SCG5: variants seen among roughly 807,000 people sequenced by gnomAD.
SCG5 encodes the protein secretogranin V.
Under a neutral mutation model 25.7 loss-of-function variants are expected in SCG5, and 18 were observed. The observed-to-expected ratio is 0.70, with a 90% CI of 0.48 to 1.04. The LOEUF is 1.04. Ranked by LOEUF, SCG5 falls within the 50% of genes least tolerant of loss-of-function variation. The pLI is 0.00. For synonymous variants in SCG5, 101 were observed against 91.7 expected (o/e 1.10, Z -0.58); for missense variants, 206 against 259.8 (o/e 0.79, Z 1.42).
rs2140612871 is a variant in SCG5, at chr15:32,692,310, GT to G, written c.543+550del. ...AAAATCTACTAGATCTGTAATATTT[GT>G]TTGCTGTCTGTTGAATTTACTGCAG... On this transcript the variant is annotated intron_variant, in intron 5 of 5. Coordinates refer to ENST00000300175, the MANE Select transcript of SCG5 (RefSeq NM_001144757.3). 3 of 981,814 alleles carry G rather than the reference GT, an allele frequency of 3.1e-6. No individual in the cohort carries two copies. The South Asian group carries it at 1.4e-4, about 46-fold the overall frequency. The allele number at this position is 981,814 out of a possible 1,614,324, so 60.8% of individuals were successfully genotyped here.
intron 5 of SCG5, among the ~76,000 whole-genome samples, chr15:32,695,556 C>T (rs943669083): frequency 2.0e-5 from 3 of 152,020 alleles, no homozygotes; most frequent in Non-Finnish European, 4.4e-5. Context: ...GAGTCAAAAA[C>T]AAAGGACCCT....
chr15:32,659,127 GA>G (rs1029370857), intron 2 of SCG5, among the ~76,000 whole-genome samples: 3 of 152,070 alleles, frequency 2.0e-5, no homozygotes, highest in African/African-American at 7.2e-5. Context: ...AGTGAGCCGA[GA>G]TGGCGCCACT....
chr15:32,679,623 C>A (rs2054581539), intron 2 of SCG5, 143 bp from the exon 3 acceptor site: 2 of 856,514 alleles, frequency 2.3e-6, no homozygotes, highest in Non-Finnish European at 3.7e-6. Flanking sequence ...TTTCTAAACC[C>A]CTAGAGGGCA....
intron 3 of SCG5, among the ~76,000 whole-genome samples, chr15:32,682,097 T>C (rs1182075255): frequency 6.6e-6 from 1 of 152,108 alleles, no homozygotes; most frequent in East Asian, 1.9e-4. Context: ...GTTAAGTCCA[T>C]TGGATGTGGT....
At chr15:32,682,127 A>G (rs2054630676) in intron 3 of SCG5, among the ~76,000 whole-genome samples, 1 of 152,194 alleles carries the variant, frequency 6.6e-6, no homozygotes, top group Non-Finnish European at 1.5e-5. Flanking sequence ...TGGTTCTTAA[A>G]GTGTGATTCC....
intron 2 of SCG5, among the ~76,000 whole-genome samples, chr15:32,675,860 C>G (rs570891245): frequency 2.7e-4 from 41 of 152,180 alleles, no homozygotes; most frequent in African/African-American, 9.9e-4. Flanking sequence ...AGTACCTAGC[C>G]CAGGTTTTGA....
chr15:32,696,465 G>A lies in SCG5; in HGVS notation c.544-49G>A, dbSNP rs776954168. 5 of 1,306,480 alleles carry A rather than the reference G, an allele frequency of 3.8e-6. No individual in the cohort carries two copies. In the African/African-American group the frequency reaches 4.4e-5, roughly 11 times the overall value. The allele number at this position is 1,306,480 out of a possible 1,614,324, so 80.9% of individuals were successfully genotyped here. A position where few individuals can be genotyped will look rare whatever the true frequency, so the allele number is the denominator to read the frequency against. ...CTTTTCTGAGATGTCTGTATCTGATGTTCACATATAACACCAAACCACATG... is the reference window on the plus strand; with the variant it reads ...CTTTTCTGAGATGTCTGTATCTGATATTCACATATAACACCAAACCACATG... On this transcript the variant is annotated intron_variant, in intron 5 of 5. Coordinates refer to ENST00000300175, the MANE Select transcript of SCG5 (RefSeq NM_001144757.3).
At chr15:32,671,931 C>A (rs1485496694) in intron 2 of SCG5, among the ~76,000 whole-genome samples, 1 of 152,208 alleles carries the variant, frequency 6.6e-6, no homozygotes, top group Middle Eastern at 3.2e-3. Context: ...CACCTTCTCT[C>A]CTGGTCTCCT....
At chr15:32,654,186 C>T (rs1049068313) in intron 2 of SCG5, among the ~76,000 whole-genome samples, 2 of 152,178 alleles carry the variant, frequency 1.3e-5, no homozygotes, top group Non-Finnish European at 2.9e-5. Flanking sequence ...AACAAAAATT[C>T]CACAGACTAG....
intron 2 of SCG5, among the ~76,000 whole-genome samples, chr15:32,661,879 C>T (rs963366735): frequency 6.6e-6 from 1 of 152,134 alleles, no homozygotes; most frequent in Non-Finnish European, 1.5e-5. Flanking sequence ...ATCGTACCAC[C>T]TAGAGATACC....
At chr15:32,643,058 G>T (rs568066677) in intron 1 of SCG5, among the ~76,000 whole-genome samples, 2 of 152,116 alleles carry the variant, frequency 1.3e-5, no homozygotes, top group Admixed American at 1.3e-4. Flanking sequence ...TTTCAGGATC[G>T]CAAACGTATT....
At chr15:32,688,369 C>T (rs1190300708) in intron 4 of SCG5, among the ~76,000 whole-genome samples, 1 of 152,122 alleles carries the variant, frequency 6.6e-6, no homozygotes, top group Non-Finnish European at 1.5e-5. Context: ...CAAATGCTTT[C>T]ACACCTTTTC....
At chr15:32,672,300 G>T (rs2054441451) in intron 2 of SCG5, among the ~76,000 whole-genome samples, 1 of 152,244 alleles carries the variant, frequency 6.6e-6, no homozygotes, top group Non-Finnish European at 1.5e-5. Flanking sequence ...ATTGCCCAGC[G>T]CCAGTGCCCA....
chr15:32,670,446 A>G (rs2054400229), intron 2 of SCG5, among the ~76,000 whole-genome samples: 2 of 152,240 alleles, frequency 1.3e-5, no homozygotes, highest in Admixed American at 1.3e-4. Context: ...GTTTTTCTCA[A>G]TTACCAAATG....
intron 2 of SCG5, among the ~76,000 whole-genome samples, chr15:32,646,661 A>C (rs556728907): frequency 6.6e-6 from 1 of 152,318 alleles, no homozygotes; most frequent in Non-Finnish European, 1.5e-5. Flanking sequence ...CTAACAAAGA[A>C]AATAGTCCAA....
At chr15:32,653,662 A>G (rs1209019652) in intron 2 of SCG5, among the ~76,000 whole-genome samples, 1 of 152,248 alleles carries the variant, frequency 6.6e-6, no homozygotes, top group Non-Finnish European at 1.5e-5. Flanking sequence ...GTCTGAAGAC[A>G]GTCCAGAGGC....
chr15:32,656,536 T>G (rs1343682546), intron 2 of SCG5, among the ~76,000 whole-genome samples: 1 of 152,250 alleles, frequency 6.6e-6, no homozygotes, highest in African/African-American at 2.4e-5. Flanking sequence ...AAATGTCCTG[T>G]TGGCAGGACA....
At chr15:32,695,152 A>AC (rs1441867782) in intron 5 of SCG5, among the ~76,000 whole-genome samples, 1 of 151,976 alleles carries the variant, frequency 6.6e-6, no homozygotes, top group Non-Finnish European at 1.5e-5. Flanking sequence ...AGTAGCTGGG[A>AC]CTACAGGGGC....
chr15:32,655,387 G>A (rs1262964338), intron 2 of SCG5, among the ~76,000 whole-genome samples: 4 of 151,920 alleles, frequency 2.6e-5, no homozygotes, highest in Non-Finnish European at 5.9e-5. Flanking sequence ...GTCCACTTCC[G>A]TGGGACAGTT....
Sources: allele counts gnomAD v4.1 joint callset (sites outside exome capture counted in the v4.1 genomes callset), GRCh38; gene constraint gnomAD v4.1.1; transcripts MANE v1.5; gene names NCBI Gene and HGNC (gene_info 2026-07-23, HGNC 2026-07-21).